Variants in TMEM232 observed in about 807,000 individuals in gnomAD.
TMEM232 encodes transmembrane protein 232.
Under a neutral mutation model 78.8 loss-of-function variants are expected in TMEM232, and 80 were observed. The ratio of observed to expected loss-of-function variants is 1.01; its 90% CI spans 0.85 to 1.22. TMEM232 has a LOEUF of 1.22. TMEM232 is among the 50% of genes most tolerant of loss of function. TMEM232 has a pLI of 0.00. For missense variants in TMEM232, 881 were observed against 742.2 expected (o/e 1.19, Z -2.17); for synonymous variants, 297 against 254.3 (o/e 1.17, Z -1.60).
chr5:110,392,670 T>A (rs1181682437), intron 3 of TMEM232, among the ~76,000 whole-genome samples: 1 of 152,160 alleles, frequency 6.6e-6, no homozygotes, highest in Non-Finnish European at 1.5e-5. Flanking sequence ...AATGACATCA[T>A]GAGGGCCCTA....
intron 2 of TMEM232, among the ~76,000 whole-genome samples, chr5:110,660,998 C>T (rs1410842309): frequency 6.6e-6 from 1 of 152,152 alleles, no homozygotes; most frequent in African/African-American, 2.4e-5. Context: ...CTTCTTCACC[C>T]TTCCCAGCTT....
intron 12 of TMEM232, among the ~76,000 whole-genome samples, chr5:110,515,763 T>G (rs1466618091): frequency 6.6e-6 from 1 of 152,210 alleles, no homozygotes; most frequent in Non-Finnish European, 1.5e-5. Flanking sequence ...CTTCTACTAC[T>G]ACGGCACCAG....
At chr5:110,580,679 T>C (rs531074160) in intron 10 of TMEM232, among the ~76,000 whole-genome samples, 4 of 151,472 alleles carry the variant, frequency 2.6e-5, no homozygotes, top group African/African-American at 9.7e-5. Context: ...TGCACAATAC[T>C]AAAGACTAAA....
At chr5:110,411,670 A>G (rs541326880) in intron 2 of TMEM232, among the ~76,000 whole-genome samples, 1 of 152,222 alleles carries the variant, frequency 6.6e-6, no homozygotes, top group South Asian at 2.1e-4. Context: ...CTACAGATAT[A>G]TAAGTGGAAT....
chr5:110,478,897 A>ATTT (rs746104997), intron 12 of TMEM232, among the ~76,000 whole-genome samples: 4 of 111,790 alleles, frequency 3.6e-5, no homozygotes, highest in Non-Finnish European at 5.7e-5. Context: ...GGAGAAATTG[A>ATTT]TTTTTTTTTT....
chr5:110,570,837 C>T (rs1036648168), intron 10 of TMEM232, among the ~76,000 whole-genome samples: 3 of 151,940 alleles, frequency 2.0e-5, no homozygotes, highest in Non-Finnish European at 4.4e-5. Flanking sequence ...AATTCCAAAT[C>T]GCATGGCCAG....
At chr5:110,630,816 G>A (rs1478928705) in intron 5 of TMEM232, among the ~76,000 whole-genome samples, 1 of 152,154 alleles carries the variant, frequency 6.6e-6, no homozygotes, top group Non-Finnish European at 1.5e-5. Flanking sequence ...TTGGGGGAAA[G>A]TGTGTAAGAA....
intron 1 of TMEM232, among the ~76,000 whole-genome samples, chr5:110,693,919 G>A (rs1794441732): frequency 1.3e-5 from 2 of 152,076 alleles, no homozygotes; most frequent in Admixed American, 1.3e-4. Flanking sequence ...GTCTAGCAAG[G>A]CAGGCCAACA....
chr5:110,568,264 C>T, intron 11 of TMEM232, among the ~76,000 whole-genome samples, 183 bp downstream of exon 11: 1 of 151,876 alleles, frequency 6.6e-6, no homozygotes, highest in Non-Finnish European at 1.5e-5. Flanking sequence ...ACACTACCGT[C>T]TAGAGCTCAA....
intron 2 of TMEM232, among the ~76,000 whole-genome samples, chr5:110,411,485 T>C (rs1207156732): frequency 6.6e-6 from 1 of 152,218 alleles, no homozygotes; most frequent in Non-Finnish European, 1.5e-5. Flanking sequence ...AACATAAATT[T>C]AGCATTTTAA....
At position 110,610,256 on chromosome 5, in the gene TMEM232, G is replaced by GAGGAAGGGAGGAAGGA. The variant is rs1554057558; in HGVS notation, c.903-3970_903-3969insTCCTTCCTCCCTTCCT. Among the ~76,000 whole-genome samples, 19 of 117,314 alleles carry GAGGAAGGGAGGAAGGA rather than the reference G, an allele frequency of 1.6e-4. 1 individual carries two copies. Among genetic ancestry groups the GAGGAAGGGAGGAAGGA allele is most frequent in the African/African-American group, 6.1e-4 (19 of 31,050 alleles). 77.0% of individuals were successfully genotyped at this position (117,314 alleles called of 152,430 possible). A position where few individuals can be genotyped will look rare whatever the true frequency, so the allele number is the denominator to read the frequency against. On this transcript the variant is annotated intron_variant, in intron 8 of 13. Coordinates refer to ENST00000455884, the MANE Select transcript of TMEM232 (RefSeq NM_001039763.4). ...AAAGAAAGGAAGGAAGGGAGGAAGG[G>GAGGAAGGGAGGAAGGA]AGGAAGGGAGGAAGGTGGGTGGGTG...
chr5:110,695,958 C>A (rs1382921442), intron 1 of TMEM232, among the ~76,000 whole-genome samples: 1 of 152,126 alleles, frequency 6.6e-6, no homozygotes, highest in Admixed American at 6.5e-5. Context: ...TTTTATGAGG[C>A]CAGCATCATC....
intron 10 of TMEM232, among the ~76,000 whole-genome samples, chr5:110,604,232 GT>G (rs564772288): frequency 6.6e-5 from 10 of 152,140 alleles, no homozygotes; most frequent in South Asian, 6.2e-4. Context: ...AATCTGTAAA[GT>G]TTTTTTCAAC....
At chr5:110,614,948 T>C (rs1457712381) in intron 8 of TMEM232, among the ~76,000 whole-genome samples, 3 of 151,992 alleles carry the variant, frequency 2.0e-5, no homozygotes, top group Non-Finnish European at 4.4e-5. Flanking sequence ...CTATTTATAG[T>C]AAATATCTAT....
intron 2 of TMEM232, among the ~76,000 whole-genome samples, chr5:110,653,423 T>C (rs1314777741): frequency 6.6e-6 from 1 of 152,202 alleles, no homozygotes; most frequent in East Asian, 1.9e-4. Flanking sequence ...GTTATAAGCA[T>C]TACTCTTTTT....
chr5:110,682,511 T>C (rs1792879789), intron 1 of TMEM232, among the ~76,000 whole-genome samples: 1 of 152,194 alleles, frequency 6.6e-6, no homozygotes, highest in African/African-American at 2.4e-5. Flanking sequence ...TGCCACATTT[T>C]CTTTACCACT....
intron 11 of TMEM232, among the ~76,000 whole-genome samples, chr5:110,543,334 C>T (rs1380030114): frequency 3.9e-5 from 6 of 152,162 alleles, no homozygotes; most frequent in African/African-American, 1.2e-4. Context: ...TTCTATCCTT[C>T]ATTGATGTCC....
At chr5:110,393,143 A>C (rs1310478993) in intron 3 of TMEM232, among the ~76,000 whole-genome samples, 1 of 152,204 alleles carries the variant, frequency 6.6e-6, no homozygotes, top group East Asian at 1.9e-4. Flanking sequence ...GCTGTAATTG[A>C]GTAGAATGTT....
chr5:110,520,816 G>A (rs1349926283), intron 12 of TMEM232, among the ~76,000 whole-genome samples: 1 of 152,134 alleles, frequency 6.6e-6, no homozygotes, highest in Non-Finnish European at 1.5e-5. Context: ...TGCTCAGGAG[G>A]CTGAGGCAGG....
Sources: gnomAD v4.1 joint callset for allele counts (sites outside exome capture counted in the v4.1 genomes callset) on GRCh38, gnomAD v4.1.1 for gene constraint, MANE v1.5 for transcripts, NCBI Gene and HGNC (gene_info 2026-07-23, HGNC 2026-07-21) for gene names.